Variants in GRIA3 observed in about 807,000 individuals in gnomAD.
GRIA3 encodes the protein glutamate ionotropic receptor AMPA type subunit 3, also known as glutamate receptor 3.
In GRIA3, 3 loss-of-function variants were observed where a neutral mutation model predicts 63.0. That is an observed-to-expected ratio of 0.05 (90% CI 0.02 to 0.12). GRIA3 has a LOEUF of 0.12. Among genes scored for constraint, GRIA3 ranks in the 10% least tolerant of loss-of-function variants. The pLI is 1.00. For missense variants in GRIA3, 347 were observed against 700.9 expected, an observed-to-expected ratio of 0.50 and a Z score of 5.70; for synonymous variants, 274 against 257.9, an observed-to-expected ratio of 1.06 and a Z score of -0.60.
chrX:123,348,610 T>C (rs2045070183), intron 4 of GRIA3, among the ~76,000 whole-genome samples: 1 of 111,880 alleles, frequency 8.9e-6, no homozygotes, highest in African/African-American at 3.3e-5. Context: ...AGCATCATTT[T>C]ACAGGATGCT....
intron 2 of GRIA3, among the ~76,000 whole-genome samples, chrX:123,213,230 C>T (rs758991009): frequency 1.8e-5 from 2 of 112,271 alleles, no homozygotes; most frequent in Non-Finnish European, 3.8e-5. Flanking sequence ...AGGTTGAGAA[C>T]TGCTGGTCTA....
rs142808454 is a variant in GRIA3 at position 123,386,470 on chromosome X, C to T, written c.751-8498C>T. ...GAAGCTTTTTGGTTTAATATAGTCT[C>T]ACTTGTCTGTTTTTGTTTTTGTTGC... On this transcript the variant is annotated intron_variant, in intron 5 of 15. Coordinates refer to ENST00000620443, the MANE Select transcript of GRIA3 (RefSeq NM_007325.5). 8.6e-3 allele frequency among the ~76,000 whole-genome samples: 963 copies of T among 111,459 alleles called. 10 individuals are homozygous for T. Among genetic ancestry groups the T allele is most frequent in the African/African-American group, 0.03 (909 of 30,756 alleles).
chrX:123,247,308 C>A (rs932321167), intron 2 of GRIA3, among the ~76,000 whole-genome samples: 1 of 111,451 alleles, frequency 9.0e-6, no homozygotes, highest in African/African-American at 3.3e-5. Flanking sequence ...TGTAATGATG[C>A]CTTTTGGAAT....
intron 2 of GRIA3, among the ~76,000 whole-genome samples, chrX:123,202,940 G>A (rs1603023632): frequency 8.9e-6 from 1 of 112,383 alleles, no homozygotes. Context: ...TACACAGTGG[G>A]AAGTAAACAT....
Position 123,184,328 on chromosome X carries a change from G to C in GRIA3, c.-208G>C, listed in dbSNP as rs1927181020. The C allele has an allele frequency of 2.2e-6, 1 of 447,826 alleles. No homozygotes were observed. Among genetic ancestry groups the C allele is most frequent in the South Asian group, 3.2e-5 (1 of 30,819 alleles). 36.9% of individuals were successfully genotyped at this position (447,826 alleles called of 1,213,427 possible). Reference sequence around the variant, plus strand: ...AGAGAGCGAGCGAATAAGAGAGAGAGTAAGAGGGAGAGAGAAGAAGAGGAA... The same window carrying C: ...AGAGAGCGAGCGAATAAGAGAGAGACTAAGAGGGAGAGAGAAGAAGAGGAA... On this transcript the variant is annotated 5_prime_UTR_variant, in exon 1 of 16. Transcript: ENST00000620443.
chrX:123,297,446 G>T (rs2044692192), intron 3 of GRIA3, among the ~76,000 whole-genome samples: 1 of 112,160 alleles, frequency 8.9e-6, no homozygotes, highest in African/African-American at 3.2e-5. Flanking sequence ...AGGTAGATTG[G>T]GTTGTTCAGG....
At chrX:123,246,623 G>A (rs905945896) in intron 2 of GRIA3, among the ~76,000 whole-genome samples, 10 of 111,260 alleles carry the variant, frequency 9.0e-5, no homozygotes, top group African/African-American at 3.3e-4. Context: ...AGGGTCCATT[G>A]ATTAGCAGCC....
intron 2 of GRIA3, among the ~76,000 whole-genome samples, chrX:123,244,353 C>G (rs1238726413): frequency 9.0e-6 from 1 of 111,284 alleles, no homozygotes; most frequent in Non-Finnish European, 1.9e-5. Context: ...GAGCTGACTG[C>G]TACCCTATAC....
At chrX:123,194,996 G>C (rs770743930) in intron 2 of GRIA3, among the ~76,000 whole-genome samples, 43 of 112,824 alleles carry the variant, frequency 3.8e-4, no homozygotes, top group African/African-American at 1.3e-3. Context: ...TCTTTGAGAT[G>C]GTAAGTAGAG....
intron 3 of GRIA3, among the ~76,000 whole-genome samples, chrX:123,288,752 TA>T (rs753398485): frequency 8.9e-6 from 1 of 111,871 alleles, no homozygotes; most frequent in South Asian, 3.8e-4. Context: ...TGGCGATCAT[TA>T]AAAAGTCAGG....
intron 2 of GRIA3, among the ~76,000 whole-genome samples, chrX:123,244,424 C>G (rs1400743052): frequency 2.7e-5 from 3 of 112,131 alleles, no homozygotes; most frequent in Non-Finnish European, 5.6e-5. Context: ...AGGCTAAACA[C>G]AAATAACTCA....
chrX:123,351,697 C>T (rs1245257074), intron 4 of GRIA3, among the ~76,000 whole-genome samples: 3 of 112,035 alleles, frequency 2.7e-5, no homozygotes, highest in Non-Finnish European at 5.6e-5. Context: ...CCTTCACACA[C>T]ACCCTTTCTA....
intron 3 of GRIA3, among the ~76,000 whole-genome samples, chrX:123,255,003 A>C (rs2044411763): frequency 8.9e-6 from 1 of 112,014 alleles, no homozygotes; most frequent in African/African-American, 3.2e-5. Flanking sequence ...ATCAACCCCC[A>C]ATGGTGGTCT....
At chrX:123,468,269 A>G (rs1193013114) in intron 13 of GRIA3, among the ~76,000 whole-genome samples, 1 of 109,947 alleles carries the variant, frequency 9.1e-6, no homozygotes, top group African/African-American at 3.3e-5. Flanking sequence ...TCTGGTTACC[A>G]CTACGTATTA....
intron 3 of GRIA3, among the ~76,000 whole-genome samples, chrX:123,272,799 T>C (rs1272541586): frequency 8.9e-6 from 1 of 111,929 alleles, no homozygotes; most frequent in Non-Finnish European, 1.9e-5. Context: ...GAAACATGCA[T>C]ATTCATGATC....
chrX:123,416,349 A>G (rs774040766), intron 10 of GRIA3, among the ~76,000 whole-genome samples: 2 of 111,987 alleles, frequency 1.8e-5, no homozygotes, highest in South Asian at 7.4e-4. Flanking sequence ...TTCTGAACAT[A>G]GAAAAAAAAT....
chrX:123,210,545 G>C (rs1345389416), intron 2 of GRIA3, among the ~76,000 whole-genome samples: 1 of 111,070 alleles, frequency 9.0e-6, no homozygotes, highest in Non-Finnish European at 1.9e-5. Context: ...TCCTTTCTGG[G>C]CATGAGTTTC....
At chrX:123,310,392 A>C (rs1351065688) in intron 3 of GRIA3, among the ~76,000 whole-genome samples, 2 of 112,867 alleles carry the variant, frequency 1.8e-5, no homozygotes, top group Non-Finnish European at 3.7e-5. Flanking sequence ...GACTTTGATG[A>C]CTGCTAGTGC....
chrX:123,293,401 G>A (rs1209929916), intron 3 of GRIA3, among the ~76,000 whole-genome samples: 4 of 111,580 alleles, frequency 3.6e-5, no homozygotes, highest in South Asian at 3.7e-4. Flanking sequence ...TAGAAGGTTT[G>A]AGGAAGGATA....
Sources: gnomAD v4.1 joint callset for allele counts (sites outside exome capture counted in the v4.1 genomes callset) on GRCh38, gnomAD v4.1.1 for gene constraint, MANE v1.5 for transcripts, NCBI Gene and HGNC (gene_info 2026-07-23, HGNC 2026-07-21) for gene names.